The following PXDC1 variants were observed in gnomAD, a reference collection of about 807,000 sequenced individuals.
PXDC1 encodes the protein PX domain-containing protein 1.
PXDC1 carries 13 observed loss-of-function variants against 24.4 expected under a neutral mutation model. The observed-to-expected ratio is 0.53, with a 90% CI of 0.35 to 0.85. The LOEUF is 0.85. Among genes scored for constraint, PXDC1 ranks in the 40% least tolerant of loss-of-function variants. The pLI is 0.01. For missense variants in PXDC1, 344 were observed against 309.3 expected (o/e 1.11, Z -0.84); for synonymous variants, 162 against 124.9 (o/e 1.30, Z -1.98).
chr6:3,733,557 A>G (rs1403675538), intron 3 of PXDC1, among the ~76,000 whole-genome samples: 1 of 151,938 alleles, frequency 6.6e-6, no homozygotes, highest in Non-Finnish European at 1.5e-5. Context: ...GGGTTCAGAG[A>G]AAGAAAACCA....
chr6:3,737,026 A>G lies in PXDC1; in HGVS notation c.466+53T>C. 2.8e-6 allele frequency: 3 copies of G among 1,063,052 alleles called. No individual in the cohort carries two copies. The highest frequency in any genetic ancestry group is 4.4e-6 in the Non-Finnish European group (3 of 678,336). 65.9% of individuals were successfully genotyped at this position (1,063,052 alleles called of 1,614,324 possible). ...AGCCAACTGTGAGGGTTTCTGTGAC[A>G]TCTCAGCCTCAACAGCAGTCCCTCC... On this transcript the variant is annotated intron_variant, in intron 3 of 4. Coordinates refer to ENST00000380283, the MANE Select transcript of PXDC1 (RefSeq NM_183373.4). The surrounding 1 kb of genome is among the most constrained non-coding windows in gnomAD (Gnocchi z 5.5).
At chr6:3,733,807 C>T (rs1760256017) in intron 3 of PXDC1, among the ~76,000 whole-genome samples, 1 of 152,200 alleles carries the variant, frequency 6.6e-6, no homozygotes, top group Non-Finnish European at 1.5e-5. Flanking sequence ...TACTTCTACC[C>T]ACAGGCCTAG....
In PXDC1 at chr6:3,751,293, T is replaced by C; in HGVS notation, c.239A>G (p.Gln80Arg). Residue 80 changes from glutamine (Q) to arginine (R), a missense_variant, in exon 1 of 5, where the codon CAG (glutamine) becomes CGG (arginine). Physicochemically the swap from Gln to Arg is conservative, Grantham distance 43 (BLOSUM62 1). Transcript: ENST00000380283. ...AFPEDRSELA[Q>R]GPLRQGLVAI... ...CCCCGCACCTTGCCGCAGCGGCCCCTGCGCCAGTTCGGACCGGTCCTCGGG... is the reference window on the plus strand; with the variant it reads ...CCCCGCACCTTGCCGCAGCGGCCCCCGCGCCAGTTCGGACCGGTCCTCGGG... 1 of 1,528,746 alleles carries C rather than the reference T, an allele frequency of 6.5e-7. No homozygotes were observed. Among genetic ancestry groups the C allele is most frequent in the Non-Finnish European group, 8.8e-7 (1 of 1,142,220 alleles). 94.7% of individuals were successfully genotyped at this position (1,528,746 alleles called of 1,614,324 possible).
chr6:3,732,995 C>T (rs189967986), intron 3 of PXDC1, among the ~76,000 whole-genome samples: 125 of 152,336 alleles, frequency 8.2e-4, no homozygotes, highest in Non-Finnish European at 7.5e-4. Context: ...GTCCATGCAA[C>T]GGCTGGCCAG....
chr6:3,751,154 C>T (rs143965827), intron 1 of PXDC1, 122 bp downstream of exon 1: 26,422 of 788,878 alleles, frequency 0.033, 555 homozygotes, highest in Middle Eastern at 0.063. Flanking sequence ...GTCCAAGTGT[C>T]CCCTGTCCAG....
In PXDC1 at chr6:3,729,616, C is replaced by G. The variant is rs1416702417; in HGVS notation, c.467-1954G>C. ...AGATGCTTACCAAAGCCTCGCTGAA[C>G]AGGCGGACTGTGAAAACTGCCATAT... On this transcript the variant is annotated intron_variant, in intron 3 of 4. Transcript: ENST00000380283. Among the ~76,000 whole-genome samples, 4 of 152,236 alleles carry G rather than the reference C, an allele frequency of 2.6e-5. No homozygotes were observed. The East Asian group carries it at 7.7e-4, about 29-fold the overall frequency.
intron 1 of PXDC1, among the ~76,000 whole-genome samples, chr6:3,748,350 G>C (rs573527204): frequency 6.6e-6 from 1 of 152,290 alleles, no homozygotes; most frequent in East Asian, 1.9e-4. Flanking sequence ...AGAAGGTCGG[G>C]TGGGAGAGTG....
In PXDC1 at chr6:3,723,460, T is replaced by G. The variant is rs1286390293; in HGVS notation, c.*159A>C. ...CTGGCCCACTAGGAGCCCCTGCTGC[T>G]CCACTTGCAGGACACCCAGGCCTCC... On this transcript the variant is annotated 3_prime_UTR_variant, in exon 5 of 5. Coordinates refer to ENST00000380283, the MANE Select transcript of PXDC1 (RefSeq NM_183373.4). 19 of 673,138 alleles carry G rather than the reference T, an allele frequency of 2.8e-5. No individual in the cohort carries two copies. Among genetic ancestry groups the G allele is most frequent in the Middle Eastern group, 4.3e-4 (1 of 2,350 alleles). The allele number at this position is 673,138 out of a possible 1,614,324, so 41.7% of individuals were successfully genotyped here.
At chr6:3,749,090 T>C (rs1164046233) in intron 1 of PXDC1, among the ~76,000 whole-genome samples, 1 of 151,988 alleles carries the variant, frequency 6.6e-6, no homozygotes, top group African/African-American at 2.4e-5. Flanking sequence ...ACAACAAAAC[T>C]CAGGTGGTGC....
chr6:3,750,777 C>A (rs1433380875), intron 1 of PXDC1, among the ~76,000 whole-genome samples: 1 of 152,124 alleles, frequency 6.6e-6, no homozygotes, highest in Admixed American at 6.5e-5. Context: ...ACCTCGCGCT[C>A]GAAGACCAGG....
intron 1 of PXDC1, chr6:3,739,038 G>A: frequency 8.2e-7 from 1 of 1,214,754 alleles, no homozygotes; most frequent in East Asian, 5.8e-5. Context: ...CGTGATTACT[G>A]CGATTACTTT....
chr6:3,738,260 A>T, intron 1 of PXDC1, 112 bp from the exon 2 acceptor site: 1 of 794,028 alleles, frequency 1.3e-6, no homozygotes. Context: ...CTGTAATGAG[A>T]TGTCGGGAAC....
At chr6:3,744,895 TCAC>T (rs958613976) in intron 1 of PXDC1, among the ~76,000 whole-genome samples, 2 of 152,202 alleles carry the variant, frequency 1.3e-5, no homozygotes, top group African/African-American at 4.8e-5. Flanking sequence ...AGACGGGGTT[TCAC>T]CACGTCGGCC....
At position 3,737,806 on chromosome 6, in the gene PXDC1, C is replaced by A; in HGVS notation, c.348+251G>T. ...CCCTTCCACCCATGCCTCCTTGCATCCCTCATTTTCACTCTTTCCCCAGGG... is the reference window on the plus strand; with the variant it reads ...CCCTTCCACCCATGCCTCCTTGCATACCTCATTTTCACTCTTTCCCCAGGG... On this transcript the variant is annotated intron_variant, in intron 2 of 4. Coordinates refer to ENST00000380283, the MANE Select transcript of PXDC1 (RefSeq NM_183373.4). This position sits in a 1 kb window ranked among gnomAD's most constrained non-coding sequence, Gnocchi z 5.5. The A allele has an allele frequency of 2.0e-6, 1 of 489,276 alleles. No homozygotes were observed. The allele number at this position is 489,276 out of a possible 1,614,324, so 30.3% of individuals were successfully genotyped here. A position where few individuals can be genotyped will look rare whatever the true frequency, so the allele number is the denominator to read the frequency against.
intron 1 of PXDC1, among the ~76,000 whole-genome samples, chr6:3,743,328 G>A (rs888504532): frequency 5.1e-4 from 78 of 152,114 alleles, no homozygotes; most frequent in South Asian, 2.1e-4. Context: ...AGTCGGCCCC[G>A]GGGAAATGCT....
At chr6:3,723,959 C>G (rs528052895) in intron 4 of PXDC1, among the ~76,000 whole-genome samples, 1 of 152,224 alleles carries the variant, frequency 6.6e-6, no homozygotes, top group East Asian at 1.9e-4. Context: ...CAACCCTTAG[C>G]GAGGCCTTCA....
intron 1 of PXDC1, among the ~76,000 whole-genome samples, chr6:3,747,187 C>G (rs1760590099): frequency 6.6e-6 from 1 of 152,042 alleles, no homozygotes; most frequent in African/African-American, 2.4e-5. Context: ...AATGGCAATC[C>G]TGCCAGTCCT....
rs1034708435 is a variant in PXDC1, at chr6:3,750,973, C to T, written c.256+303G>A. 8.6e-6 allele frequency: 3 copies of T among 349,524 alleles called. No homozygotes were observed. In the Admixed American group the frequency reaches 1.5e-4, roughly 18 times the overall value. The allele number at this position is 349,524 out of a possible 1,614,324, so 21.7% of individuals were successfully genotyped here. A position where few individuals can be genotyped will look rare whatever the true frequency, so the allele number is the denominator to read the frequency against. ...AGCCGCTCAGCCCCGGGCGCCCCCGCCCTCCTCGGAAGTGACTCGTCCTCA... is the reference window on the plus strand; with the variant it reads ...AGCCGCTCAGCCCCGGGCGCCCCCGTCCTCCTCGGAAGTGACTCGTCCTCA... On this transcript the variant is annotated intron_variant, in intron 1 of 4. Transcript: ENST00000380283.
chr6:3,743,031 C>G (rs1760483370), intron 1 of PXDC1, among the ~76,000 whole-genome samples: 1 of 152,202 alleles, frequency 6.6e-6, no homozygotes, highest in African/African-American at 2.4e-5. Context: ...TGAGAGCCAA[C>G]GTTAACAAAC....
Sources: allele counts gnomAD v4.1 joint callset (sites outside exome capture counted in the v4.1 genomes callset), GRCh38; gene constraint gnomAD v4.1.1; non-coding constraint Gnocchi (gnomAD v3.1); transcripts MANE v1.5; gene names NCBI Gene and HGNC (gene_info 2026-07-23, HGNC 2026-07-21).